BCAS3: variants seen among roughly 807,000 people sequenced by gnomAD.
BCAS3 encodes BCAS4/BCAS3 fusion.
In BCAS3, 53 loss-of-function variants were observed where a neutral mutation model predicts 116.1. The observed-to-expected ratio is 0.46, with a 90% CI of 0.37 to 0.57. The LOEUF (loss-of-function observed/expected upper bound fraction) is 0.57. BCAS3 is among the 20% of genes least tolerant of loss of function. The pLI is 0.00. For synonymous variants in BCAS3, 391 were observed against 408.2 expected (o/e 0.96, Z 0.51); for missense variants, 917 against 1,165.4 (o/e 0.79, Z 3.10).
intron 7 of BCAS3, among the ~76,000 whole-genome samples, chr17:60,813,373 C>G (rs1019514138): frequency 1.1e-4 from 16 of 151,828 alleles, no homozygotes; most frequent in Non-Finnish European, 1.9e-4. Flanking sequence ...CCTAGGACTA[C>G]AGGTGTATGC....
At position 61,285,231 on chromosome 17, in the gene BCAS3, T is replaced by G. The variant is rs944785360; in HGVS notation, c.2426-83096T>G. On this transcript the variant is annotated intron_variant, in intron 22 of 23. Coordinates refer to ENST00000407086, the MANE Select transcript of BCAS3 (RefSeq NM_017679.5). The surrounding 1 kb of genome is among the most constrained non-coding windows in gnomAD (Gnocchi z 5.4). The stretch of plus-strand genomic sequence containing the variant: ...GTTTTGCTTTTCCCCTCCTCCTAGG[T>G]TGTGTGTGTGTGTGTGTGTGTGTGT... 2.9e-5 allele frequency among the ~76,000 whole-genome samples: 4 copies of G among 140,026 alleles called. No individual in the cohort carries two copies. The highest frequency in any genetic ancestry group is 1.5e-5 in the Non-Finnish European group (1 of 66,740). 91.9% of individuals were successfully genotyped at this position (140,026 alleles called of 152,430 possible). A position where few individuals can be genotyped will look rare whatever the true frequency, so the allele number is the denominator to read the frequency against.
At chr17:61,125,925 G>C (rs1389620047) in intron 22 of BCAS3, among the ~76,000 whole-genome samples, 1 of 152,120 alleles carries the variant, frequency 6.6e-6, no homozygotes, top group Non-Finnish European at 1.5e-5. Context: ...AAAAGCTGTA[G>C]AATTTCAAGG....
chr17:60,844,738 G>T (rs2052340899), intron 7 of BCAS3, among the ~76,000 whole-genome samples: 1 of 152,106 alleles, frequency 6.6e-6, no homozygotes. Context: ...TCTTTTAATT[G>T]ACCTGATGGA....
At chr17:61,294,354 G>A (rs1295177647) in intron 22 of BCAS3, among the ~76,000 whole-genome samples, 1 of 152,128 alleles carries the variant, frequency 6.6e-6, no homozygotes, top group Non-Finnish European at 1.5e-5. Context: ...CTTCCCACCA[G>A]CCTAGGGAAA....
At chr17:60,991,241 CATT>C (rs2063505582) in intron 15 of BCAS3, among the ~76,000 whole-genome samples, 1 of 152,110 alleles carries the variant, frequency 6.6e-6, no homozygotes, top group African/African-American at 2.4e-5. Flanking sequence ...GCTTCTTTAA[CATT>C]ATATTTGTGA....
rs2072693058 is a variant in BCAS3, at chr17:61,082,321, C to T, written c.2328-2146C>T. Among the ~76,000 whole-genome samples, 4 of 152,084 alleles carry T rather than the reference C, an allele frequency of 2.6e-5. No homozygotes were observed. Among genetic ancestry groups the T allele is most frequent in the Non-Finnish European group, 4.4e-5 (3 of 68,006 alleles). Reference sequence around the variant, plus strand: ...TATTCACTATGTTTGGCATCCATCCCACTAATTTCAGAACGTTTCCATCAT... The same window carrying T: ...TATTCACTATGTTTGGCATCCATCCTACTAATTTCAGAACGTTTCCATCAT... On this transcript the variant is annotated intron_variant, in intron 21 of 23. Coordinates refer to ENST00000407086, the MANE Select transcript of BCAS3 (RefSeq NM_017679.5). The surrounding 1 kb of genome is among the most constrained non-coding windows in gnomAD (Gnocchi z 5.1).
rs1448792317 is a variant in BCAS3, at chr17:61,134,167, A to G, written c.2425+49603A>G. Among the ~76,000 whole-genome samples, 1 of 152,218 alleles carries G rather than the reference A, an allele frequency of 6.6e-6. No homozygotes were observed. Among genetic ancestry groups the G allele is most frequent in the Non-Finnish European group, 1.5e-5 (1 of 68,038 alleles). The stretch of plus-strand genomic sequence containing the variant: ...GGCCAGTATGAATTAAATAAAAGTC[A>G]CATTCATAATGAACACTGGAGCAAT... On this transcript the variant is annotated intron_variant, in intron 22 of 23. Transcript: ENST00000407086. This position sits in a 1 kb window ranked among gnomAD's most constrained non-coding sequence, Gnocchi z 4.6.
At chr17:61,370,974 T>C (rs181281180) in intron 23 of BCAS3, among the ~76,000 whole-genome samples, 1 of 152,350 alleles carries the variant, frequency 6.6e-6, no homozygotes, top group Non-Finnish European at 1.5e-5. Context: ...ACAACTCTAC[T>C]TCTCTAGGTG....
intron 14 of BCAS3, among the ~76,000 whole-genome samples, chr17:60,974,515 C>T (rs1169336146): frequency 6.6e-6 from 1 of 152,026 alleles, no homozygotes; most frequent in Non-Finnish European, 1.5e-5. Context: ...AAATGAATAA[C>T]TCAGATTACA....
intron 5 of BCAS3, among the ~76,000 whole-genome samples, chr17:60,733,063 G>C (rs1705926872): frequency 6.6e-6 from 1 of 151,986 alleles, no homozygotes; most frequent in Non-Finnish European, 1.5e-5. Context: ...CATCTCTTTG[G>C]ATTAACTATC....
At chr17:60,756,269 C>G (rs1049960138) in intron 6 of BCAS3, among the ~76,000 whole-genome samples, 3 of 152,174 alleles carry the variant, frequency 2.0e-5, no homozygotes, top group African/African-American at 7.2e-5. Flanking sequence ...CACCACTTAC[C>G]TAACAGGAGG....
rs1418704485 is a variant in BCAS3, at chr17:60,967,429, C to A, written c.1221+20077C>A. Among the ~76,000 whole-genome samples the A allele has an allele frequency of 6.6e-6, 1 of 152,154 alleles. No homozygotes were observed. Among genetic ancestry groups the A allele is most frequent in the Admixed American group, 6.5e-5 (1 of 15,280 alleles). On this transcript the variant is annotated intron_variant, in intron 14 of 23. Coordinates refer to ENST00000407086, the MANE Select transcript of BCAS3 (RefSeq NM_017679.5). This position sits in a 1 kb window ranked among gnomAD's most constrained non-coding sequence, Gnocchi z 4.7. The stretch of plus-strand genomic sequence containing the variant: ...TCTGTTGCCAGACAAATTGGAGATA[C>A]AGTGTTTGCTTCTTTTCTCGTGCTG...
intron 19 of BCAS3, among the ~76,000 whole-genome samples, chr17:61,055,461 A>G (rs1385398142): frequency 6.6e-6 from 1 of 152,214 alleles, no homozygotes; most frequent in Non-Finnish European, 1.5e-5. Context: ...CCAATCCACC[A>G]GGGGCTATGG....
intron 16 of BCAS3, among the ~76,000 whole-genome samples, chr17:61,031,934 C>T (rs2066671642): frequency 6.6e-6 from 1 of 151,954 alleles, no homozygotes; most frequent in Admixed American, 6.6e-5. Context: ...CGTGTTGATG[C>T]TTTTTACTTG....
intron 6 of BCAS3, among the ~76,000 whole-genome samples, chr17:60,800,119 TG>T (rs745329324): frequency 1.3e-5 from 2 of 152,230 alleles, no homozygotes; most frequent in East Asian, 1.9e-4. Flanking sequence ...TGGGATGTTT[TG>T]TTTTTTTAAT....
chr17:60,731,198 C>T (rs537203921), intron 5 of BCAS3, among the ~76,000 whole-genome samples: 77 of 151,942 alleles, frequency 5.1e-4, no homozygotes, highest in Non-Finnish European at 3.5e-4. Flanking sequence ...TAACTATACA[C>T]GTGTTTTTTT....
chr17:60,854,049 C>A (rs1044787640), intron 7 of BCAS3, among the ~76,000 whole-genome samples: 6 of 152,052 alleles, frequency 3.9e-5, no homozygotes, highest in Non-Finnish European at 8.8e-5. Context: ...ATCCTTCCCC[C>A]CTCCCCCAAC....
intron 7 of BCAS3, among the ~76,000 whole-genome samples, chr17:60,846,384 G>A (rs887871587): frequency 6.6e-6 from 1 of 152,122 alleles, no homozygotes; most frequent in Non-Finnish European, 1.5e-5. Flanking sequence ...CATTCAGATT[G>A]GCTCAAAACC....
At chr17:61,371,848 C>T (rs984875496) in intron 23 of BCAS3, among the ~76,000 whole-genome samples, 2 of 152,186 alleles carry the variant, frequency 1.3e-5, no homozygotes, top group African/African-American at 2.4e-5. Flanking sequence ...AGGATCCCTG[C>T]GCATGCTGAA....
Sources: gnomAD v4.1 joint callset for allele counts (sites outside exome capture counted in the v4.1 genomes callset) on GRCh38, gnomAD v4.1.1 for gene constraint, Gnocchi (gnomAD v3.1) non-coding constraint, MANE v1.5 for transcripts, NCBI Gene and HGNC (gene_info 2026-07-23, HGNC 2026-07-21) for gene names.